The following GMNC variants were observed in gnomAD, a reference collection of about 807,000 sequenced individuals.
The protein encoded by GMNC is geminin coiled-coil domain-containing protein 1.
A neutral mutation model predicts 33.6 loss-of-function variants in GMNC; 16 were observed. That is an observed-to-expected ratio of 0.48 (90% CI 0.32 to 0.72). The LOEUF (loss-of-function observed/expected upper bound fraction) is 0.72, where lower values mean the gene tolerates loss of function less well. Ranked by LOEUF, GMNC falls within the 30% of genes least tolerant of loss-of-function variation. The pLI is 0.03. For missense variants in GMNC, 393 were observed against 388.9 expected (o/e 1.01, Z -0.09); for synonymous variants, 156 against 147.3 (o/e 1.06, Z -0.43).
intron 2 of GMNC, chr3:190,859,735 G>A (rs767578895): frequency 5.0e-6 from 2 of 397,376 alleles, no homozygotes; most frequent in South Asian, 1.9e-5. Context: ...CTATGGTTGG[G>A]CATACTAACC....
In GMNC at chr3:190,855,505, G is replaced by T. The variant is rs1338020078; in HGVS notation, c.795C>A (p.Ile265=). 5.2e-6 allele frequency: 8 copies of T among 1,551,836 alleles called. No homozygotes were observed. The Admixed American group carries it at 1.6e-4, about 30-fold the overall frequency. The change falls in exon 5 of 5, where the codon ATC becomes ATA. Residue 265 remains isoleucine (I), a synonymous_variant. Transcript: ENST00000442080. The part of the protein sequence containing the change: ...STATHGEDFH[I]LSQLSNPPVG... ...CTGGGGGATTTGAAAGTTGAGAAAG[G>T]ATGTGGAAATCTTCTCCATGAGTGG...
chr3:190,852,343 C>A (rs1182343911), downstream of GMNC, among the ~76,000 whole-genome samples: 1 of 152,040 alleles, frequency 6.6e-6, no homozygotes, highest in Non-Finnish European at 1.5e-5. Context: ...TGCTCCTTTT[C>A]CTCAAATTTT....
rs750487518 is a variant in GMNC, at chr3:190,862,621, A to G, written c.-6T>C. The G allele has an allele frequency of 1.4e-5, 22 of 1,552,004 alleles. No individual in the cohort carries two copies. In the South Asian group the frequency reaches 2.4e-4, roughly 17 times the overall value. On this transcript the variant is annotated 5_prime_UTR_variant, in exon 1 of 5. Coordinates refer to ENST00000442080, the MANE Select transcript of GMNC (RefSeq NM_001146686.3). The surrounding 1 kb of genome is among the most constrained non-coding windows in gnomAD (Gnocchi z 4.5). Reference sequence around the variant, plus strand: ...GCCAGTTCCTCACTTACCATCTTGCAGTGGAAGAAAGCGCTGCAGAAACTG... The same window carrying G: ...GCCAGTTCCTCACTTACCATCTTGCGGTGGAAGAAAGCGCTGCAGAAACTG...
chr3:190,847,771 G>C (rs1737574642), downstream of GMNC, among the ~76,000 whole-genome samples: 1 of 152,118 alleles, frequency 6.6e-6, no homozygotes, highest in Non-Finnish European at 1.5e-5. Flanking sequence ...TCTAATGGGG[G>C]GAAGGGTTAG....
rs562073441 is a variant in GMNC, at chr3:190,854,919, G to A, written c.*376C>T. On this transcript the variant is annotated 3_prime_UTR_variant, in exon 5 of 5. Coordinates refer to ENST00000442080, the MANE Select transcript of GMNC (RefSeq NM_001146686.3). ...AATGACAAAGGGAGAAAAGTAAAAG[G>A]GCTGTGAATATTTCAACTACTTAAA... 118 of 189,510 alleles carry A rather than the reference G, an allele frequency of 6.2e-4. No individual in the cohort carries two copies. The highest frequency in any genetic ancestry group is 1.1e-3 in the Non-Finnish European group (100 of 89,062). 11.7% of individuals were successfully genotyped at this position (189,510 alleles called of 1,614,324 possible). A position where few individuals can be genotyped will look rare whatever the true frequency, so the allele number is the denominator to read the frequency against.
In GMNC at chr3:190,858,915, G is replaced by A; in HGVS notation, c.267+13C>T. 1.3e-6 allele frequency: 2 copies of A among 1,493,370 alleles called. No individual in the cohort carries two copies. The highest frequency in any genetic ancestry group is 1.8e-6 in the Non-Finnish European group (2 of 1,094,552). The allele number at this position is 1,493,370 out of a possible 1,614,324, so 92.5% of individuals were successfully genotyped here. A position where few individuals can be genotyped will look rare whatever the true frequency, so the allele number is the denominator to read the frequency against. On this transcript the variant is annotated intron_variant, in intron 3 of 4. Coordinates refer to ENST00000442080, the MANE Select transcript of GMNC (RefSeq NM_001146686.3). ...AGAACATGACCAGTCTCAATGTTCT[G>A]ACTTACACATACCTGCTTATTTCTG...
Position 190,855,475 on chromosome 3 carries a change from C to T in GMNC, c.825G>A (p.Gly275=), listed in dbSNP as rs1462106431. 11 of 1,551,810 alleles carry T rather than the reference C, an allele frequency of 7.1e-6. No individual in the cohort carries two copies. Among genetic ancestry groups the T allele is most frequent in the African/African-American group, 5.5e-5 (4 of 73,006 alleles). ...CAGTATAGTAAGGAAGAGTTTTCAG[C>T]CCCACTGGGGGATTTGAAAGTTGAG... The part of the protein sequence containing the change: ...ILSQLSNPPV[G]LKTLPYYTAH... Residue 275 remains glycine (G), a synonymous_variant, in exon 5 of 5, where the codon GGG becomes GGA. Transcript: ENST00000442080.
Position 190,854,141 on chromosome 3 carries a change from T to C in GMNC, c.*1154A>G, listed in dbSNP as rs1737682975. On this transcript the variant is annotated 3_prime_UTR_variant, in exon 5 of 5. Transcript: ENST00000442080. Reference sequence around the variant, plus strand: ...TTTCTTCAGTGACCTGAAACTGCCATGTTGGAGTAAATCTGATAGGACCCA... The same window carrying C: ...TTTCTTCAGTGACCTGAAACTGCCACGTTGGAGTAAATCTGATAGGACCCA... 6.6e-6 allele frequency: 1 copy of C among 152,194 alleles called. No homozygotes were observed. The highest frequency in any genetic ancestry group is 2.4e-5 in the African/African-American group (1 of 41,452). 9.4% of individuals were successfully genotyped at this position (152,194 alleles called of 1,614,324 possible).
At chr3:190,860,604 T>TC (rs1737840408) in intron 2 of GMNC, 80 bp downstream of exon 2, 1 of 1,242,270 alleles carries the variant, frequency 8.0e-7, no homozygotes, top group African/African-American at 1.5e-5. Flanking sequence ...TATTCTAGAG[T>TC]CCCAGCCCAT....
rs772537968 is a variant in GMNC, at chr3:190,860,875, G to T, written c.4-17C>A. The stretch of plus-strand genomic sequence containing the variant: ...AATGGTGTTCTGTGAAATTCAGTAT[G>T]GGGGGAGTGAGGGGTCCCAAAAGAT... On this transcript the variant is annotated splice_polypyrimidine_tract_variant and intron_variant, in intron 1 of 4. Transcript: ENST00000442080. 29 of 1,522,640 alleles carry T rather than the reference G, an allele frequency of 1.9e-5. No homozygotes were observed. Among genetic ancestry groups the T allele is most frequent in the Non-Finnish European group, 2.2e-5 (25 of 1,126,160 alleles). 94.3% of individuals were successfully genotyped at this position (1,522,640 alleles called of 1,614,324 possible). A position where few individuals can be genotyped will look rare whatever the true frequency, so the allele number is the denominator to read the frequency against.
At chr3:190,843,493 C>T in the GMNC span, among the ~76,000 whole-genome samples, 2 of 152,060 alleles carry the variant, frequency 1.3e-5, no homozygotes, top group African/African-American at 4.8e-5. Context: ...TAGTTAAAGC[C>T]TTGGACAGCA....
At position 190,861,583 on chromosome 3, in the gene GMNC, C is replaced by T. The variant is rs576158409; in HGVS notation, c.4-725G>A. ...GGACCACAAAGCTGCTCCAAGTAAA[C>T]GTATAATCAAAGCTGAAAGAAGTTC... On this transcript the variant is annotated intron_variant, in intron 1 of 4. Coordinates refer to ENST00000442080, the MANE Select transcript of GMNC (RefSeq NM_001146686.3). This position sits in a 1 kb window ranked among gnomAD's most constrained non-coding sequence, Gnocchi z 5.1. Among the ~76,000 whole-genome samples, 13 of 152,224 alleles carry T rather than the reference C, an allele frequency of 8.5e-5. No homozygotes were observed. Among genetic ancestry groups the T allele is most frequent in the African/African-American group, 2.6e-4 (11 of 41,532 alleles).
intron 4 of GMNC, among the ~76,000 whole-genome samples, chr3:190,856,338 A>G (rs1421471583): frequency 1.5e-5 from 2 of 129,258 alleles, no homozygotes; most frequent in Non-Finnish European, 3.2e-5. Context: ...TAAATAAATA[A>G]AAATATTTAT....
chr3:190,856,720 C>A (rs1177634645), intron 4 of GMNC, among the ~76,000 whole-genome samples: 1 of 151,502 alleles, frequency 6.6e-6, no homozygotes, highest in East Asian at 1.9e-4. Flanking sequence ...TCTGATTAAA[C>A]ACTATACAAC....
chr3:190,848,184 G>T (rs1737580854), downstream of GMNC, among the ~76,000 whole-genome samples: 4 of 152,316 alleles, frequency 2.6e-5, no homozygotes, highest in South Asian at 8.3e-4. Context: ...TTTTGGATTT[G>T]ATATACACTA....
At chr3:190,847,721 T>A in the GMNC span, among the ~76,000 whole-genome samples, 1 of 152,094 alleles carries the variant, frequency 6.6e-6, no homozygotes, top group East Asian at 1.9e-4. Context: ...CTTGCATACC[T>A]CCATTTGCCT....
chr3:190,851,666 C>G (rs144592385), downstream of GMNC, among the ~76,000 whole-genome samples: 2 of 152,286 alleles, frequency 1.3e-5, no homozygotes, highest in African/African-American at 4.8e-5. Context: ...AATCATACTA[C>G]TATTTCATAC....
intron 4 of GMNC, among the ~76,000 whole-genome samples, chr3:190,857,489 T>A (rs1019038766): frequency 6.6e-6 from 1 of 152,136 alleles, no homozygotes; most frequent in Non-Finnish European, 1.5e-5. Flanking sequence ...ATTCCATCCA[T>A]CTAATTCTGC....
intron 1 of GMNC, 96 bp from the exon 2 acceptor site, chr3:190,860,954 T>C (rs4577513): frequency 0.18 from 140,518 of 787,050 alleles, 13,656 homozygotes; most frequent in Middle Eastern, 0.27. Context: ...CGAAATTACA[T>C]GCAGTGAAAT....
Sources: gnomAD v4.1 joint callset for allele counts (sites outside exome capture counted in the v4.1 genomes callset) on GRCh38, gnomAD v4.1.1 for gene constraint, Gnocchi (gnomAD v3.1) non-coding constraint, MANE v1.5 for transcripts, NCBI Gene and HGNC (gene_info 2026-07-23, HGNC 2026-07-21) for gene names.